MAGI1: variants seen among roughly 807,000 people sequenced by gnomAD.
MAGI1 encodes the protein membrane associated guanylate kinase, WW and PDZ domain containing 1.
A neutral mutation model predicts 139.9 loss-of-function variants in MAGI1; 58 were observed. The observed-to-expected ratio is 0.41, with a 90% CI of 0.34 to 0.52. MAGI1 has a LOEUF of 0.52. Among genes scored for constraint, MAGI1 ranks in the 20% least tolerant of loss-of-function variants. The pLI is 0.12. For missense variants in MAGI1, 1,874 were observed against 1,901.6 expected (o/e 0.99, Z 0.27); for synonymous variants, 812 against 737.9 (o/e 1.10, Z -1.63).
At chr3:65,877,717 G>T (rs1444333828) in intron 1 of MAGI1, among the ~76,000 whole-genome samples, 1 of 152,100 alleles carries the variant, frequency 6.6e-6, no homozygotes, top group African/African-American at 2.4e-5. Context: ...CATCATGCCT[G>T]GCTAATTTTT....
chr3:65,532,807 TG>T (rs2078776051), intron 2 of MAGI1: 1 of 152,246 alleles, frequency 6.6e-6, no homozygotes. Flanking sequence ...CTTTAATTTA[TG>T]ATCATTCCCC....
chr3:66,025,756 T>C (rs1345485211), intron 1 of MAGI1, among the ~76,000 whole-genome samples: 4 of 152,148 alleles, frequency 2.6e-5, no homozygotes, highest in Non-Finnish European at 5.9e-5. Context: ...TGTTAACACA[T>C]GTATTTCTCT....
chr3:65,842,382 C>A (rs533413628), intron 1 of MAGI1, among the ~76,000 whole-genome samples: 7 of 146,890 alleles, frequency 4.8e-5, no homozygotes, highest in Admixed American at 1.4e-4. Flanking sequence ...TTTTTTGACA[C>A]GGAGTTTCGC....
chr3:65,576,475 T>C (rs886129472), intron 2 of MAGI1, among the ~76,000 whole-genome samples: 47 of 152,302 alleles, frequency 3.1e-4, no homozygotes, highest in Middle Eastern at 3.4e-3. Context: ...CTAATACAAA[T>C]GGTGAACCCG....
At chr3:65,723,007 C>T (rs938736777) in intron 1 of MAGI1, among the ~76,000 whole-genome samples, 1 of 151,578 alleles carries the variant, frequency 6.6e-6, no homozygotes, top group African/African-American at 2.4e-5. Context: ...GAATTTGGAG[C>T]TCAAAGATCA....
intron 1 of MAGI1, among the ~76,000 whole-genome samples, chr3:65,694,269 T>C (rs2088946034): frequency 6.6e-6 from 1 of 152,190 alleles, no homozygotes; most frequent in Non-Finnish European, 1.5e-5. Context: ...ATATAAATAC[T>C]TAAGAAGTGT....
intron 1 of MAGI1, among the ~76,000 whole-genome samples, chr3:66,015,179 C>A (rs1462315327): frequency 0.017 from 1,616 of 97,572 alleles, no homozygotes; most frequent in South Asian, 0.025. Flanking sequence ...CCTGTCTCTA[C>A]AAAAAAAAAA....
At chr3:65,830,078 GGCAA>G (rs2042444092) in intron 1 of MAGI1, among the ~76,000 whole-genome samples, 2 of 152,134 alleles carry the variant, frequency 1.3e-5, no homozygotes, top group South Asian at 4.1e-4. Context: ...CACATACAGA[GGCAA>G]AGATCTTTCT....
At chr3:65,792,413 G>A (rs974508383) in intron 1 of MAGI1, among the ~76,000 whole-genome samples, 4 of 152,048 alleles carry the variant, frequency 2.6e-5, no homozygotes, top group East Asian at 3.9e-4. Context: ...TGCAGTGAGC[G>A]AAGATCATGC....
In MAGI1 at chr3:66,038,446, C is replaced by T. The variant is rs1254747293; in HGVS notation, c.-138G>A. On this transcript the variant is annotated 5_prime_UTR_variant, in exon 1 of 23. Transcript: ENST00000402939. ...AAACAGGAGAGAGAAACTTGGCAGC[C>T]TCGCTCCCCTGCACACGCTCGCGCA... The T allele has an allele frequency of 8.2e-7, 1 of 1,220,460 alleles. No homozygotes were observed. The highest frequency in any genetic ancestry group is 1.1e-6 in the Non-Finnish European group (1 of 911,666). 75.6% of individuals were successfully genotyped at this position (1,220,460 alleles called of 1,614,324 possible). A position where few individuals can be genotyped will look rare whatever the true frequency, so the allele number is the denominator to read the frequency against.
intron 2 of MAGI1, among the ~76,000 whole-genome samples, chr3:65,517,948 T>C (rs2077981129): frequency 6.6e-6 from 1 of 152,216 alleles, no homozygotes; most frequent in South Asian, 2.1e-4. Context: ...TCCCAAATGA[T>C]ATACTTAATA....
chr3:65,589,837 C>CA (rs11443949), intron 2 of MAGI1, among the ~76,000 whole-genome samples: 23,920 of 135,670 alleles, frequency 0.18, 2,776 homozygotes, highest in African/African-American at 0.34. Flanking sequence ...GGGTGGTTTT[C>CA]AAAAAAAAAA....
intron 1 of MAGI1, among the ~76,000 whole-genome samples, chr3:65,666,288 T>G (rs1275121856): frequency 1.3e-5 from 2 of 152,182 alleles, no homozygotes; most frequent in East Asian, 3.8e-4. Flanking sequence ...TAAAAGATAA[T>G]CAGAGATACT....
At chr3:65,439,823 C>A (rs1311718092) in intron 9 of MAGI1, 56 bp downstream of exon 9, 2 of 1,602,110 alleles carry the variant, frequency 1.2e-6, no homozygotes, top group Non-Finnish European at 1.7e-6. Context: ...TGTCAGCGCT[C>A]AGATTTCACC....
chr3:65,595,592 G>T (rs1315672840), intron 2 of MAGI1, among the ~76,000 whole-genome samples: 2 of 152,120 alleles, frequency 1.3e-5, no homozygotes, highest in East Asian at 3.9e-4. Flanking sequence ...CGGGAGAGGA[G>T]CCTCAAGTCT....
chr3:65,654,393 G>A (rs1204777174), intron 1 of MAGI1, among the ~76,000 whole-genome samples: 1 of 152,192 alleles, frequency 6.6e-6, no homozygotes, highest in Non-Finnish European at 1.5e-5. Flanking sequence ...TGTTGCAGTT[G>A]AATATTAGTG....
intron 1 of MAGI1, among the ~76,000 whole-genome samples, chr3:65,891,904 A>ATG (rs2060776989): frequency 1.6e-5 from 1 of 61,366 alleles, no homozygotes; most frequent in East Asian, 5.3e-4. Flanking sequence ...ATATATATAT[A>ATG]TATATATATA....
At chr3:65,554,392 C>G (rs556366033) in intron 2 of MAGI1, among the ~76,000 whole-genome samples, 1 of 152,282 alleles carries the variant, frequency 6.6e-6, no homozygotes, top group South Asian at 2.1e-4. Flanking sequence ...AAACCAAAGC[C>G]TGAATCCAAC....
At chr3:65,385,916 T>C (rs1259296845) in intron 14 of MAGI1, among the ~76,000 whole-genome samples, 1 of 152,196 alleles carries the variant, frequency 6.6e-6, no homozygotes, top group African/African-American at 2.4e-5. Flanking sequence ...TTAAATCAAG[T>C]TGTGTCTCCG....
Sources: gnomAD v4.1 joint callset for allele counts (sites outside exome capture counted in the v4.1 genomes callset) on GRCh38, gnomAD v4.1.1 for gene constraint, MANE v1.5 for transcripts, NCBI Gene and HGNC (gene_info 2026-07-23, HGNC 2026-07-21) for gene names.